Variants in SLC15A5 observed in about 807,000 individuals in gnomAD.
SLC15A5 encodes the protein Peptide/histidine transporter ENSP00000340402.
A neutral mutation model predicts 56.1 loss-of-function variants in SLC15A5; 58 were observed. That is an observed-to-expected ratio of 1.03 (90% CI 0.84 to 1.29). The LOEUF is 1.29. SLC15A5 is among the 50% of genes most tolerant of loss of function. The pLI, the probability that SLC15A5 is intolerant of heterozygous loss-of-function variation, is 0.00. For missense variants in SLC15A5, 681 were observed against 672.1 expected (o/e 1.01, Z -0.15); for synonymous variants, 264 against 250.5 (o/e 1.05, Z -0.51).
rs1441190623 is a variant in SLC15A5 at position 16,239,876 on chromosome 12, G to C, written c.976-9C>G. 2 of 1,534,770 alleles carry C rather than the reference G, an allele frequency of 1.3e-6. No homozygotes were observed. The highest frequency in any genetic ancestry group is 2.7e-5 in the African/African-American group (2 of 73,084). ...TAATATCCTGAAGGAATCTGTATTCGAGAGGGAAACATCCATGCATTAAGA... is the reference window on the plus strand; with the variant it reads ...TAATATCCTGAAGGAATCTGTATTCCAGAGGGAAACATCCATGCATTAAGA... On this transcript the variant is annotated splice_polypyrimidine_tract_variant and intron_variant, in intron 4 of 8. Coordinates refer to ENST00000344941, the MANE Select transcript of SLC15A5 (RefSeq NM_001170798.1).
chr12:16,224,503 T>G lies in SLC15A5; in HGVS notation c.1262A>C (p.Lys421Thr), dbSNP rs555776606. The G allele has an allele frequency of 1.2e-4, 179 of 1,537,224 alleles. No individual in the cohort carries two copies. In the African/African-American group the frequency reaches 2.0e-3, roughly 17 times the overall value. Residue 421 changes from lysine (K) to threonine (T), a missense_variant, in exon 6 of 9, where the codon AAA becomes ACA. Transcript: ENST00000344941. ...FPAVEQPLSG[K>T]VLTVSSMPCF... ...GGGCATGGAGGAAACAGTGAGAACT[T>G]TTCCTGAAAGGGGCTGCTCCACTGC...
intron 3 of SLC15A5, among the ~76,000 whole-genome samples, chr12:16,247,928 T>C (rs1420976455): frequency 6.6e-6 from 1 of 152,080 alleles, no homozygotes; most frequent in East Asian, 1.9e-4. Context: ...TTTAGGGACC[T>C]GGGGAACAGG....
intron 6 of SLC15A5, among the ~76,000 whole-genome samples, chr12:16,220,382 A>G (rs999197917): frequency 2.6e-5 from 4 of 152,150 alleles, no homozygotes; most frequent in African/African-American, 9.7e-5. Context: ...ATACATGTAG[A>G]TCATCCTTCC....
At chr12:16,198,553 C>T (rs1565655724) in intron 7 of SLC15A5, among the ~76,000 whole-genome samples, 1 of 152,150 alleles carries the variant, frequency 6.6e-6, no homozygotes, top group Non-Finnish European at 1.5e-5. Context: ...TAGTCCACCT[C>T]TTGGTGTTTA....
chr12:16,199,501 G>A (rs1592107333), intron 7 of SLC15A5, among the ~76,000 whole-genome samples: 1 of 151,964 alleles, frequency 6.6e-6, no homozygotes, highest in East Asian at 1.9e-4. Context: ...TTTTCTTTTG[G>A]AAGGAGGAGA....
chr12:16,275,284 A>G (rs1344980069), intron 1 of SLC15A5, among the ~76,000 whole-genome samples: 1 of 152,046 alleles, frequency 6.6e-6, no homozygotes, highest in African/African-American at 2.4e-5. Flanking sequence ...CATGTACAAG[A>G]TTAGAAAACT....
At chr12:16,216,566 T>C (rs867533329) in intron 7 of SLC15A5, among the ~76,000 whole-genome samples, 1 of 152,188 alleles carries the variant, frequency 6.6e-6, no homozygotes, top group Non-Finnish European at 1.5e-5. Context: ...TCTTACTTTT[T>C]CTGAGGACTG....
intron 7 of SLC15A5, among the ~76,000 whole-genome samples, chr12:16,204,548 G>A (rs979748341): frequency 6.6e-6 from 1 of 151,630 alleles, no homozygotes; most frequent in Non-Finnish European, 1.5e-5. Context: ...ATAAGTATGA[G>A]TAATAACTGA....
Position 16,189,605 on chromosome 12 carries a change from G to T in SLC15A5, c.*63C>A. The T allele has an allele frequency of 7.6e-7, 1 of 1,324,350 alleles. No individual in the cohort carries two copies. The highest frequency in any genetic ancestry group is 9.7e-7 in the Non-Finnish European group (1 of 1,028,454). The allele number at this position is 1,324,350 out of a possible 1,614,324, so 82.0% of individuals were successfully genotyped here. A position where few individuals can be genotyped will look rare whatever the true frequency, so the allele number is the denominator to read the frequency against. On this transcript the variant is annotated 3_prime_UTR_variant, in exon 9 of 9. Coordinates refer to ENST00000344941, the MANE Select transcript of SLC15A5 (RefSeq NM_001170798.1). ...GCTTTTACACTAAAACACATAAAAT[G>T]CTCAACTGAAGAAGAAAACAATGAA...
chr12:16,211,696 T>G (rs948783354), intron 7 of SLC15A5, among the ~76,000 whole-genome samples: 2 of 152,204 alleles, frequency 1.3e-5, no homozygotes, highest in African/African-American at 4.8e-5. Context: ...CTTCATTCCC[T>G]TATATTAGCA....
intron 4 of SLC15A5, 140 bp downstream of exon 4, chr12:16,244,440 T>C: frequency 1.3e-6 from 1 of 745,686 alleles, no homozygotes; most frequent in Middle Eastern, 3.9e-4. Context: ...GAGCCTGTAA[T>C]GATGAGAAGT....
At chr12:16,228,143 C>T (rs951413213) in intron 5 of SLC15A5, among the ~76,000 whole-genome samples, 7 of 152,098 alleles carry the variant, frequency 4.6e-5, no homozygotes, top group African/African-American at 1.4e-4. Flanking sequence ...AAGCCGTCAT[C>T]TAAAGAGAAA....
Position 16,197,916 on chromosome 12 carries a change from C to T in SLC15A5, c.1484-3463G>A, listed in dbSNP as rs1863911062. On this transcript the variant is annotated intron_variant, in intron 7 of 8. Transcript: ENST00000344941. ...ATTTTTCATCTGACATTTCCAGTAG[C>T]TGATTGAAATCAGGAGCATCCTTGC... 2.0e-5 allele frequency among the ~76,000 whole-genome samples: 3 copies of T among 152,178 alleles called. No individual in the cohort carries two copies. In the South Asian group the frequency reaches 6.2e-4, roughly 32 times the overall value.
In SLC15A5 at chr12:16,277,544, G is replaced by C. The variant is rs368914773; in HGVS notation, c.142C>G (p.Leu48Val). The change falls in exon 1 of 9, where the codon CTG becomes GTG. Residue 48 changes from leucine (L) to valine (V), a missense_variant. Leu to Val is a conservative substitution (Grantham distance 32, BLOSUM62 1). Coordinates refer to ENST00000344941, the MANE Select transcript of SLC15A5 (RefSeq NM_001170798.1). Reference protein sequence around the residue: ...KKIQVGICLLLVELCERFTFF... With the variant: ...KKIQVGICLLVVELCERFTFF... The stretch of plus-strand genomic sequence containing the variant: ...GTGAACCTCTCACACAGCTCCACCA[G>C]AAGCAAGCAGATTCCAACCTGAATT... 132 of 1,536,534 alleles carry C rather than the reference G, an allele frequency of 8.6e-5. 1 individual carries two copies. In the African/African-American group the frequency reaches 1.7e-3, roughly 19 times the overall value.
At chr12:16,227,985 G>T (rs371162311) in intron 5 of SLC15A5, among the ~76,000 whole-genome samples, 58 of 152,142 alleles carry the variant, frequency 3.8e-4, no homozygotes, top group East Asian at 2.7e-3. Flanking sequence ...TAAAACCATA[G>T]CAACTGATGC....
At chr12:16,190,148 T>C (rs1863827168) in intron 8 of SLC15A5, among the ~76,000 whole-genome samples, 1 of 152,174 alleles carries the variant, frequency 6.6e-6, no homozygotes, top group Non-Finnish European at 1.5e-5. Flanking sequence ...ATAAGAGGTT[T>C]ACTGGGAATT....
intron 1 of SLC15A5, among the ~76,000 whole-genome samples, chr12:16,275,340 GAAC>G (rs1482137610): frequency 3.9e-5 from 6 of 152,044 alleles, no homozygotes; most frequent in African/African-American, 1.4e-4. Flanking sequence ...GTTGCGTGTT[GAAC>G]AACAAGTCTA....
intron 4 of SLC15A5, among the ~76,000 whole-genome samples, chr12:16,241,417 G>C (rs982766229): frequency 6.6e-6 from 1 of 152,210 alleles, no homozygotes; most frequent in Admixed American, 6.5e-5. Flanking sequence ...CTGTTACCAA[G>C]TCCACTAATT....
chr12:16,247,139 C>T (rs1864469825), intron 3 of SLC15A5, among the ~76,000 whole-genome samples: 2 of 152,248 alleles, frequency 1.3e-5, no homozygotes, highest in Admixed American at 1.3e-4. Context: ...CAGAGACCAG[C>T]ACTGCTCCAT....
Sources: allele counts gnomAD v4.1 joint callset (sites outside exome capture counted in the v4.1 genomes callset), GRCh38; gene constraint gnomAD v4.1.1; transcripts MANE v1.5; gene names NCBI Gene and HGNC (gene_info 2026-07-23, HGNC 2026-07-21).